Variants in DPP8 observed in about 807,000 individuals in gnomAD.
DPP8 encodes the protein dipeptidyl peptidase 8, also known as DPP VIII.
Under a neutral mutation model 107.5 loss-of-function variants are expected in DPP8, and 31 were observed. That is an observed-to-expected ratio of 0.29 (90% CI 0.22 to 0.39). DPP8 has a LOEUF of 0.39. Among genes scored for constraint, DPP8 ranks in the 10% least tolerant of loss-of-function variants. The pLI, the probability that DPP8 is intolerant of heterozygous loss-of-function variation, is 1.00. For synonymous variants in DPP8, 381 were observed against 356.6 expected, an observed-to-expected ratio of 1.07 and a Z score of -0.77; for missense variants, 842 against 1,076.1, an observed-to-expected ratio of 0.78 and a Z score of 3.04.
chr15:65,498,516 C>T (rs1435264311), intron 4 of DPP8, among the ~76,000 whole-genome samples: 1 of 151,306 alleles, frequency 6.6e-6, no homozygotes, highest in Non-Finnish European at 1.5e-5. Context: ...TTTTTAACTT[C>T]AAATGAAAAA....
At chr15:65,487,360 G>A (rs940291335) in intron 7 of DPP8, among the ~76,000 whole-genome samples, 4 of 152,066 alleles carry the variant, frequency 2.6e-5, no homozygotes, top group Non-Finnish European at 5.9e-5. Context: ...TGTTGGTCAG[G>A]CTGGTCTCAA....
At chr15:65,483,052 G>A (rs910557151) in intron 8 of DPP8, among the ~76,000 whole-genome samples, 13 of 151,874 alleles carry the variant, frequency 8.6e-5, no homozygotes, top group Non-Finnish European at 1.3e-4. Flanking sequence ...AGACGAGATC[G>A]CACCACTGCA....
chr15:65,488,652 A>AT (rs1555463123), intron 6 of DPP8, among the ~76,000 whole-genome samples: 1 of 151,660 alleles, frequency 6.6e-6, no homozygotes, highest in Non-Finnish European at 1.5e-5. Flanking sequence ...ACAAAACAGC[A>AT]TAACAGTATC....
At chr15:65,478,775 G>T in intron 11 of DPP8, 105 bp downstream of exon 11, 1 of 743,388 alleles carries the variant, frequency 1.3e-6, no homozygotes, top group Non-Finnish European at 2.2e-6. Context: ...GTTTAACAAA[G>T]CAAGTATTGA....
chr15:65,486,100 A>T (rs1226479007), intron 7 of DPP8, among the ~76,000 whole-genome samples: 3 of 143,038 alleles, frequency 2.1e-5, no homozygotes, highest in African/African-American at 7.9e-5. Context: ...TCTCAAAAAA[A>T]AAAAAACAAC....
intron 1 of DPP8, among the ~76,000 whole-genome samples, chr15:65,514,636 G>C (rs944781322): frequency 6.6e-6 from 1 of 152,084 alleles, no homozygotes; most frequent in Non-Finnish European, 1.5e-5. Flanking sequence ...TCAGCTTCCC[G>C]AGTAGTTGGG....
chr15:65,489,453 G>A lies in DPP8; in HGVS notation c.826+736C>T, dbSNP rs183147267. 9.5e-3 allele frequency among the ~76,000 whole-genome samples: 1,140 copies of A among 119,726 alleles called. 22 individuals carry two copies. The highest frequency in any genetic ancestry group is 0.035 in the African/African-American group (1,092 of 31,146). The allele number at this position is 119,726 out of a possible 152,430, so 78.5% of individuals were successfully genotyped here. A position where few individuals can be genotyped will look rare whatever the true frequency, so the allele number is the denominator to read the frequency against. On this transcript the variant is annotated intron_variant, in intron 6 of 19. Coordinates refer to ENST00000300141, the MANE Select transcript of DPP8 (RefSeq NM_130434.5). ...TTTTGAGACAGAGTCTCGCTGTGTC[G>A]CCCAGGCTGGAGTGCAGTGGCGTGA...
intron 3 of DPP8, among the ~76,000 whole-genome samples, chr15:65,501,306 G>A (rs2069213071): frequency 6.6e-6 from 1 of 152,126 alleles, no homozygotes; most frequent in African/African-American, 2.4e-5. Flanking sequence ...CTAGTAAAGA[G>A]TCTTTAGATG....
At chr15:65,465,985 T>C (rs2065315278) in intron 14 of DPP8, among the ~76,000 whole-genome samples, 1 of 152,222 alleles carries the variant, frequency 6.6e-6, no homozygotes, top group Non-Finnish European at 1.5e-5. Context: ...TTAAGAAAGC[T>C]ATCAGCTGGT....
chr15:65,455,709 T>TA, intron 16 of DPP8: 1 of 1,237,000 alleles, frequency 8.1e-7, no homozygotes, highest in Middle Eastern at 2.3e-4. Context: ...CCCCATGTCT[T>TA]ACTCAGCATG....
chr15:65,461,634 G>A lies in DPP8; in HGVS notation c.1971+2127C>T, dbSNP rs59399029. Among the ~76,000 whole-genome samples the A allele has an allele frequency of 3.2e-3, 475 of 149,582 alleles. 1 individual carries two copies. The highest frequency in any genetic ancestry group is 0.011 in the African/African-American group (452 of 40,616). On this transcript the variant is annotated intron_variant, in intron 15 of 19. Coordinates refer to ENST00000300141, the MANE Select transcript of DPP8 (RefSeq NM_130434.5). ...TTTTTTTTTTTTGAGACAGAGTCTC[G>A]CTGTGTTGTCCAGGCCGGAGTGCAG...
intron 16 of DPP8, 48 bp downstream of exon 16, chr15:65,456,177 C>A: frequency 6.3e-7 from 1 of 1,586,376 alleles, no homozygotes; most frequent in Admixed American, 1.8e-5. Context: ...AACAATGGAC[C>A]AGAAAATGTA....
chr15:65,455,764 G>T (rs1252642713), intron 16 of DPP8: 5 of 1,286,198 alleles, frequency 3.9e-6, no homozygotes, highest in South Asian at 2.5e-5. Flanking sequence ...CTGTGCAAAA[G>T]GAACATCGGA....
chr15:65,467,065 T>G lies in DPP8; in HGVS notation c.1689+6A>C. 1 of 1,614,048 alleles carries G rather than the reference T, an allele frequency of 6.2e-7. No homozygotes were observed. Among genetic ancestry groups the G allele is most frequent in the African/African-American group, 1.3e-5 (1 of 75,042 alleles). ...ACACAAAACCCTTTTTAAACAAACT[T>G]AATACCTGACTGATGCAGCAAGAAT... On this transcript the variant is annotated splice_donor_region_variant and intron_variant, in intron 13 of 19. Coordinates refer to ENST00000300141, the MANE Select transcript of DPP8 (RefSeq NM_130434.5).
At chr15:65,452,844 C>T (rs1288365961) in intron 17 of DPP8, among the ~76,000 whole-genome samples, 2 of 151,832 alleles carry the variant, frequency 1.3e-5, no homozygotes, top group Non-Finnish European at 2.9e-5. Context: ...TAGTGGTGGG[C>T]GCCTTTAATC....
At chr15:65,504,992 AG>A (rs1248668501) in intron 3 of DPP8, among the ~76,000 whole-genome samples, 1 of 152,144 alleles carries the variant, frequency 6.6e-6, no homozygotes, top group East Asian at 1.9e-4. Flanking sequence ...AATTAAAAAA[AG>A]AATTTGTATA....
At chr15:65,449,335 A>G (rs1441327001) in intron 19 of DPP8, among the ~76,000 whole-genome samples, 1 of 150,508 alleles carries the variant, frequency 6.6e-6, no homozygotes, top group African/African-American at 2.4e-5. Flanking sequence ...AACCTTTAAG[A>G]AACTACCACT....
chr15:65,448,868 A>ATATATGTGTGTGTGTGTGTGTG (rs1567125127), intron 19 of DPP8, among the ~76,000 whole-genome samples: 3 of 5,624 alleles, frequency 5.3e-4, no homozygotes, highest in African/African-American at 1.8e-3. Context: ...TATCTAAAAT[A>ATATATGTGTGTGTGTGTGTGTG]TATATATATA....
In DPP8 at chr15:65,446,886, A is replaced by T. The variant is rs137947373; in HGVS notation, c.2647T>A (p.Ter883LysextTer2). The T allele has an allele frequency of 1.2e-6, 2 of 1,610,384 alleles. No homozygotes were observed. Among genetic ancestry groups the T allele is most frequent in the Non-Finnish European group, 1.7e-6 (2 of 1,178,550 alleles). ...AGAGAGTTCTACACAGGTCAAAATT[A>T]TATCACTTTTAGAGCAGCAATACGT... ...GSRIAALKVI[*>K] Residue 883 changes from the stop codon to lysine, a stop_lost, in exon 20 of 20, where the codon TAA (stop) becomes AAA (lysine). Coordinates refer to ENST00000300141, the MANE Select transcript of DPP8 (RefSeq NM_130434.5).
Sources: gnomAD v4.1 joint callset for allele counts (sites outside exome capture counted in the v4.1 genomes callset) on GRCh38, gnomAD v4.1.1 for gene constraint, MANE v1.5 for transcripts, NCBI Gene and HGNC (gene_info 2026-07-23, HGNC 2026-07-21) for gene names.